GALNT13: variants seen among roughly 807,000 people sequenced by gnomAD.
The protein encoded by GALNT13 is polypeptide N-acetylgalactosaminyltransferase 13.
In GALNT13, 28 loss-of-function variants were observed where a neutral mutation model predicts 64.2. That is an observed-to-expected ratio of 0.44 (90% CI 0.32 to 0.60). The LOEUF (loss-of-function observed/expected upper bound fraction) is 0.60, where lower values mean the gene tolerates loss of function less well. GALNT13 is among the 20% of genes least tolerant of loss of function. GALNT13 has a pLI of 0.05. For missense variants in GALNT13, 577 were observed against 669.8 expected, an observed-to-expected ratio of 0.86 and a Z score of 1.53; for synonymous variants, 214 against 224.6, an observed-to-expected ratio of 0.95 and a Z score of 0.42.
the GALNT13 span, among the ~76,000 whole-genome samples, chr2:153,517,688 C>A: frequency 6.6e-6 from 1 of 152,040 alleles, no homozygotes; most frequent in Non-Finnish European, 1.5e-5. Context: ...AGTAGAATTT[C>A]CATTAATGTA....
intron 4 of GALNT13, among the ~76,000 whole-genome samples, chr2:154,205,033 G>GGATGGGTA (rs1687366299): frequency 6.6e-6 from 1 of 152,130 alleles, no homozygotes. Flanking sequence ...GTGGATGGGT[G>GGATGGGTA]GATGGGTAGA....
At chr2:153,788,116 A>T in the GALNT13 span, among the ~76,000 whole-genome samples, 1 of 152,150 alleles carries the variant, frequency 6.6e-6, no homozygotes, top group Admixed American at 6.5e-5. Context: ...ATTCAAAAAT[A>T]GATCATCCTC....
the GALNT13 span, among the ~76,000 whole-genome samples, chr2:153,698,881 A>G: frequency 6.6e-6 from 1 of 152,214 alleles, no homozygotes. Flanking sequence ...AATCATAACA[A>G]AAAGTCTCTC....
intron 9 of GALNT13, among the ~76,000 whole-genome samples, chr2:154,373,348 A>G (rs911234122): frequency 6.6e-6 from 1 of 152,162 alleles, no homozygotes; most frequent in Non-Finnish European, 1.5e-5. Context: ...ATTTAAATTG[A>G]GGCTTGAATC....
the GALNT13 span, among the ~76,000 whole-genome samples, chr2:153,445,740 A>G: frequency 6.6e-6 from 1 of 152,234 alleles, no homozygotes; most frequent in East Asian, 1.9e-4. Context: ...ATATATATCA[A>G]TCATGGAGAT....
intron 3 of GALNT13, among the ~76,000 whole-genome samples, chr2:153,988,057 C>CATAT (rs149702413): frequency 2.5e-5 from 3 of 118,186 alleles, no homozygotes; most frequent in African/African-American, 7.6e-5. Context: ...TAGGAGGTGA[C>CATAT]ATATATATAT....
rs115410578 is a variant in GALNT13, at chr2:154,196,231, A to C, written c.312-45799A>C. On this transcript the variant is annotated intron_variant, in intron 4 of 12. Transcript: ENST00000392825. ...TAGAAATGATCTGATACTCAAAAAA[A>C]AAAAACAACTCTCATGAATTACGTG... 6.8e-3 allele frequency among the ~76,000 whole-genome samples: 1,034 copies of C among 152,284 alleles called. 10 individuals are homozygous for C. The highest frequency in any genetic ancestry group is 0.024 in the African/African-American group (1,000 of 41,574).
intron 9 of GALNT13, among the ~76,000 whole-genome samples, chr2:154,380,806 T>G (rs557989647): frequency 1.3e-5 from 2 of 152,164 alleles, no homozygotes; most frequent in East Asian, 3.9e-4. Flanking sequence ...TGATGGGGGC[T>G]GCAATCTCAT....
At chr2:153,096,287 A>G in the GALNT13 span, among the ~76,000 whole-genome samples, 1 of 151,992 alleles carries the variant, frequency 6.6e-6, no homozygotes, top group East Asian at 1.9e-4. Context: ...GTGACCTAAC[A>G]TATGGTCTAT....
intron 3 of GALNT13, among the ~76,000 whole-genome samples, chr2:154,066,629 C>A (rs1041939100): frequency 2.0e-5 from 3 of 151,824 alleles, no homozygotes; most frequent in Non-Finnish European, 2.9e-5. Flanking sequence ...GTATATCCAG[C>A]AAAAAATATT....
chr2:153,682,321 C>A, the GALNT13 span, among the ~76,000 whole-genome samples: 1 of 151,642 alleles, frequency 6.6e-6, no homozygotes, highest in African/African-American at 2.4e-5. Flanking sequence ...TCTGTAATAT[C>A]GTAGTCGTAT....
chr2:153,748,083 G>A, the GALNT13 span, among the ~76,000 whole-genome samples: 19 of 151,966 alleles, frequency 1.3e-4, no homozygotes, highest in African/African-American at 4.6e-4. Flanking sequence ...TGTAGTTTTT[G>A]CCATTAAAAG....
chr2:153,132,485 G>A, the GALNT13 span, among the ~76,000 whole-genome samples: 1 of 152,124 alleles, frequency 6.6e-6, no homozygotes, highest in African/African-American at 2.4e-5. Flanking sequence ...TGGAGGCAAT[G>A]GAAATACTAG....
the GALNT13 span, among the ~76,000 whole-genome samples, chr2:153,707,517 A>G: frequency 1.3e-5 from 2 of 152,176 alleles, no homozygotes; most frequent in Admixed American, 1.3e-4. Flanking sequence ...TGTGACCTAC[A>G]TTCTACCAAT....
chr2:154,334,604 C>T (rs1414263884), intron 9 of GALNT13, among the ~76,000 whole-genome samples: 2 of 110,970 alleles, frequency 1.8e-5, no homozygotes, highest in Non-Finnish European at 4.0e-5. Context: ...AGAAAACTTG[C>T]CATCATTCTT....
the GALNT13 span, among the ~76,000 whole-genome samples, chr2:153,424,002 T>C: frequency 6.6e-6 from 1 of 151,100 alleles, no homozygotes; most frequent in African/African-American, 2.4e-5. Context: ...AAATATATTA[T>C]GAAACTATAG....
At chr2:153,631,504 T>C in the GALNT13 span, among the ~76,000 whole-genome samples, 1 of 152,244 alleles carries the variant, frequency 6.6e-6, no homozygotes, top group Non-Finnish European at 1.5e-5. Context: ...ATCGCCGTTC[T>C]AACTGGTGTG....
the GALNT13 span, among the ~76,000 whole-genome samples, chr2:153,583,140 C>T: frequency 5.9e-5 from 9 of 152,066 alleles, no homozygotes; most frequent in Admixed American, 3.9e-4. Context: ...TTTCACTTGG[C>T]GTGGAGGTCA....
intron 9 of GALNT13, among the ~76,000 whole-genome samples, chr2:154,351,539 C>T (rs1005849981): frequency 7.3e-5 from 11 of 151,660 alleles, no homozygotes; most frequent in African/African-American, 2.4e-4. Flanking sequence ...AAAAATTAGC[C>T]GGGCATGGTG....
Sources: allele counts gnomAD v4.1 joint callset (sites outside exome capture counted in the v4.1 genomes callset), GRCh38; gene constraint gnomAD v4.1.1; transcripts MANE v1.5; gene names NCBI Gene and HGNC (gene_info 2026-07-23, HGNC 2026-07-21).